KCNJ12: variants seen among roughly 807,000 people sequenced by gnomAD.
KCNJ12 encodes the protein ATP-sensitive inward rectifier potassium channel 12.
Under a neutral mutation model 22.3 loss-of-function variants are expected in KCNJ12, and 2 were observed. The observed-to-expected ratio is 0.09, with a 90% CI of 0.04 to 0.28. KCNJ12 has a LOEUF of 0.28. KCNJ12 is among the 10% of genes least tolerant of loss of function. The pLI is 1.00. For synonymous variants in KCNJ12, 117 were observed against 261.4 expected (o/e 0.45, Z 5.33); for missense variants, 155 against 633.3 (o/e 0.24, Z 8.11).
At chr17:21,386,048 G>A (rs1905059478) in intron 1 of KCNJ12, among the ~76,000 whole-genome samples, 1 of 152,252 alleles carries the variant, frequency 6.6e-6, no homozygotes, top group South Asian at 2.1e-4. Flanking sequence ...AGGGATCAGA[G>A]GGCGGCAAGC....
At chr17:21,380,709 C>T (rs922906038) in intron 1 of KCNJ12, among the ~76,000 whole-genome samples, 1 of 152,180 alleles carries the variant, frequency 6.6e-6, no homozygotes, top group South Asian at 2.1e-4. Flanking sequence ...CTGGGGAACT[C>T]GTCATTTCCC....
chr17:21,409,575 CA>C (rs1906199942), intron 2 of KCNJ12, among the ~76,000 whole-genome samples: 1 of 152,308 alleles, frequency 6.6e-6, no homozygotes, highest in East Asian at 1.9e-4. Flanking sequence ...GTGCCCCTCC[CA>C]GGGGCAGCTT....
chr17:21,398,888 G>A (rs1165977114), intron 1 of KCNJ12, among the ~76,000 whole-genome samples: 2 of 152,228 alleles, frequency 1.3e-5, no homozygotes, highest in African/African-American at 4.8e-5. Context: ...ACCTGTTCTG[G>A]GTACTGTGCA....
At chr17:21,402,970 C>A (rs1427786323) in intron 1 of KCNJ12, among the ~76,000 whole-genome samples, 1 of 152,300 alleles carries the variant, frequency 6.6e-6, no homozygotes, top group Non-Finnish European at 1.5e-5. Flanking sequence ...ATTTCCTCCT[C>A]TCAAAGAAGC....
chr17:21,398,071 A>G (rs1220052351), intron 1 of KCNJ12, among the ~76,000 whole-genome samples: 2 of 151,596 alleles, frequency 1.3e-5, no homozygotes, highest in Non-Finnish European at 2.9e-5. Context: ...GGTGAGGGAC[A>G]TAGCCCTGGA....
intron 1 of KCNJ12, among the ~76,000 whole-genome samples, chr17:21,381,482 G>A (rs114338823): frequency 0.014 from 2,136 of 151,922 alleles, 57 homozygotes; most frequent in African/African-American, 0.048. Context: ...CTCCCTCCCC[G>A]GGGCCACGCT....
intron 1 of KCNJ12, among the ~76,000 whole-genome samples, chr17:21,407,645 A>G (rs1268400995): frequency 6.7e-6 from 1 of 149,794 alleles, no homozygotes; most frequent in African/African-American, 2.5e-5. Flanking sequence ...TCATTCATCT[A>G]CCCATCCACT....
At chr17:21,380,410 G>C (rs781983638) in intron 1 of KCNJ12, among the ~76,000 whole-genome samples, 4 of 152,188 alleles carry the variant, frequency 2.6e-5, no homozygotes, top group Non-Finnish European at 5.9e-5. Flanking sequence ...GGGAGACCCA[G>C]CCCCTGCCCT....
In KCNJ12 at chr17:21,376,723, C is replaced by A. The variant is rs1555557304; in HGVS notation, c.-369C>A. 1 of 151,610 alleles carries A rather than the reference C, an allele frequency of 6.6e-6. No individual in the cohort carries two copies. The highest frequency in any genetic ancestry group is 1.5e-5 in the Non-Finnish European group (1 of 67,872). The allele number at this position is 151,610 out of a possible 1,614,324, so 9.4% of individuals were successfully genotyped here. On this transcript the variant is annotated 5_prime_UTR_variant, in exon 1 of 3. Coordinates refer to ENST00000583088, the MANE Select transcript of KCNJ12 (RefSeq NM_021012.5). This position sits in a 1 kb window ranked among gnomAD's most constrained non-coding sequence, Gnocchi z 5.3. Reference sequence around the variant, plus strand: ...GCGCCGTCCAGGCGCGCGCCCCCGACCCGTGGCTGGACCAGGGCGATCCGC... The same window carrying A: ...GCGCCGTCCAGGCGCGCGCCCCCGAACCGTGGCTGGACCAGGGCGATCCGC...
chr17:21,402,358 T>C (rs1905666898), intron 1 of KCNJ12, among the ~76,000 whole-genome samples: 1 of 152,288 alleles, frequency 6.6e-6, no homozygotes, highest in African/African-American at 2.4e-5. Context: ...CTGTTTTTTT[T>C]TGGTCTGTCT....
At chr17:21,411,598 C>G (rs1315224437) in intron 2 of KCNJ12, among the ~76,000 whole-genome samples, 4 of 152,308 alleles carry the variant, frequency 2.6e-5, no homozygotes, top group Admixed American at 6.5e-5. Context: ...TGTCTTGGCC[C>G]TTGAATTGCT....
intron 1 of KCNJ12, among the ~76,000 whole-genome samples, chr17:21,377,929 A>G (rs1340111828): frequency 6.6e-6 from 1 of 151,662 alleles, no homozygotes; most frequent in African/African-American, 2.4e-5. Flanking sequence ...GGCCATTTCT[A>G]GTTTCTTTTT....
In KCNJ12 at chr17:21,393,098, C is replaced by T. The variant is rs190424495; in HGVS notation, c.-178-15421C>T. ...AAGTCCATGTGCCTCCCTGCACGGC[C>T]GTACCGGCTCTCCCTTGCCCTCCCC... On this transcript the variant is annotated intron_variant, in intron 1 of 2. Transcript: ENST00000583088. Among the ~76,000 whole-genome samples the T allele has an allele frequency of 3.9e-3, 598 of 152,256 alleles. 3 individuals carry two copies. Among genetic ancestry groups the T allele is most frequent in the Middle Eastern group, 0.01 (3 of 294 alleles).
chr17:21,395,584 A>AAG (rs1905332223), intron 1 of KCNJ12, among the ~76,000 whole-genome samples: 3 of 151,176 alleles, frequency 2.0e-5, no homozygotes, highest in African/African-American at 7.3e-5. Context: ...AAAAAAAAAA[A>AAG]AAAAAAAAAA....
At chr17:21,410,809 A>G (rs1288898767) in intron 2 of KCNJ12, among the ~76,000 whole-genome samples, 1 of 152,298 alleles carries the variant, frequency 6.6e-6, no homozygotes, top group Non-Finnish European at 1.5e-5. Context: ...CAGTGACTCA[A>G]TCTTCCTAGG....
At chr17:21,408,464 C>T (rs1906113175) in intron 1 of KCNJ12, 55 bp from the exon 2 acceptor site, 1 of 152,572 alleles carries the variant, frequency 6.6e-6, no homozygotes, top group East Asian at 1.9e-4. Context: ...TTGTGAGCCC[C>T]TCTGAGAAGA....
chr17:21,380,179 A>T (rs1457959639), intron 1 of KCNJ12, among the ~76,000 whole-genome samples: 1 of 152,164 alleles, frequency 6.6e-6, no homozygotes, highest in Non-Finnish European at 1.5e-5. Flanking sequence ...CGGGAGCTGT[A>T]TTCCTAGGAC....
chr17:21,414,710 G>A (rs1320979926), intron 2 of KCNJ12, among the ~76,000 whole-genome samples: 8 of 152,418 alleles, frequency 5.2e-5, no homozygotes, highest in East Asian at 1.9e-4. Flanking sequence ...GATGTCTTGC[G>A]GGAGGGTGTC....
chr17:21,381,359 T>C (rs1555557918), intron 1 of KCNJ12, among the ~76,000 whole-genome samples: 1 of 152,164 alleles, frequency 6.6e-6, no homozygotes. Flanking sequence ...CCTTGAGCAC[T>C]TTCTATGTGC....
Sources: gnomAD v4.1 joint callset for allele counts (sites outside exome capture counted in the v4.1 genomes callset) on GRCh38, gnomAD v4.1.1 for gene constraint, Gnocchi (gnomAD v3.1) non-coding constraint, MANE v1.5 for transcripts, NCBI Gene and HGNC (gene_info 2026-07-23, HGNC 2026-07-21) for gene names.